FAM200C: variants seen among roughly 807,000 people sequenced by gnomAD.
the FAM200C span, among the ~76,000 whole-genome samples, chr5:160,396,292 T>C: frequency 3.9e-5 from 6 of 152,192 alleles, no homozygotes; most frequent in African/African-American, 1.4e-4. Flanking sequence ...GTAATACTAT[T>C]TGAACCTTGA....
the FAM200C span, among the ~76,000 whole-genome samples, chr5:160,398,519 C>G: frequency 6.6e-6 from 1 of 152,196 alleles, no homozygotes; most frequent in Non-Finnish European, 1.5e-5. Flanking sequence ...GACTGGGTGA[C>G]GGAGTGAGAC....
At chr5:160,394,467 GAGTA>G in the FAM200C span, 5 of 1,613,896 alleles carry the variant, frequency 3.1e-6, no homozygotes, top group African/African-American at 1.3e-5. Context: ...TCAAAAATGT[GAGTA>G]AGTATTTGGC....
the FAM200C span, among the ~76,000 whole-genome samples, chr5:160,397,110 C>T: frequency 6.6e-6 from 1 of 152,194 alleles, no homozygotes; most frequent in Admixed American, 6.5e-5. Flanking sequence ...CACGTCCCTG[C>T]ACTACCTTAG....
the FAM200C span, chr5:160,397,300 T>C: frequency 6.6e-6 from 1 of 152,230 alleles, no homozygotes; most frequent in Non-Finnish European, 1.5e-5. Context: ...AATGCTTTAA[T>C]AGATATTTAA....
chr5:160,397,119 AG>A, the FAM200C span, among the ~76,000 whole-genome samples: 1 of 152,230 alleles, frequency 6.6e-6, no homozygotes, highest in Non-Finnish European at 1.5e-5. Flanking sequence ...GCACTACCTT[AG>A]AACTAATACA....
chr5:160,398,725 G>C, the FAM200C span, among the ~76,000 whole-genome samples: 3 of 152,074 alleles, frequency 2.0e-5, no homozygotes, highest in African/African-American at 7.2e-5. Context: ...AATTTTCAAG[G>C]GCCTCAAAGA....
At chr5:160,396,565 A>G in the FAM200C span, among the ~76,000 whole-genome samples, 1 of 152,076 alleles carries the variant, frequency 6.6e-6, no homozygotes, top group Admixed American at 6.6e-5. Flanking sequence ...AGCCTGGGCA[A>G]TATGGTGAAA....
chr5:160,396,697 G>GAAAAAAAAAAAAAAAAA, the FAM200C span, among the ~76,000 whole-genome samples: 2 of 49,266 alleles, frequency 4.1e-5, no homozygotes, highest in Admixed American at 2.2e-4. Flanking sequence ...AAGTCTCTGT[G>GAAAAAAAAAAAAAAAAA]GAAAAAAAAA....
At chr5:160,399,604 G>A in the FAM200C span, 1 of 152,308 alleles carries the variant, frequency 6.6e-6, no homozygotes, top group African/African-American at 2.4e-5. Context: ...ACCTTTCCAA[G>A]CCTCAGTTCC....
the FAM200C span, chr5:160,400,030 G>A: frequency 1.3e-5 from 2 of 152,310 alleles, no homozygotes; most frequent in African/African-American, 4.8e-5. Context: ...GCCTCAGCCA[G>A]GCCCGGGTTC....
the FAM200C span, chr5:160,394,221 A>G: frequency 6.2e-7 from 1 of 1,611,990 alleles, no homozygotes; most frequent in African/African-American, 1.3e-5. Flanking sequence ...AAATTGGTAA[A>G]ATTTCTTTTC....
At chr5:160,394,849 C>A in the FAM200C span, 2 of 1,613,398 alleles carry the variant, frequency 1.2e-6, no homozygotes, top group Non-Finnish European at 1.7e-6. Flanking sequence ...CTATTCCTTT[C>A]ATGGATAGCT....
chr5:160,394,296 C>A, the FAM200C span: 7 of 1,613,514 alleles, frequency 4.3e-6, no homozygotes, highest in South Asian at 5.5e-5. Flanking sequence ...CTAGCTGATA[C>A]TGTGTTCATC....
chr5:160,399,817 C>T, the FAM200C span: 1 of 152,198 alleles, frequency 6.6e-6, no homozygotes, highest in Non-Finnish European at 1.5e-5. Flanking sequence ...TCTCCGCCCG[C>T]CCGTCTCCAA....
At chr5:160,398,052 G>A in the FAM200C span, among the ~76,000 whole-genome samples, 1 of 152,190 alleles carries the variant, frequency 6.6e-6, no homozygotes, top group African/African-American at 2.4e-5. Flanking sequence ...GACCAGCCAG[G>A]CCAACATAGT....
At chr5:160,394,100 A>G in the FAM200C span, 46 of 1,613,468 alleles carry the variant, frequency 2.9e-5, no homozygotes, top group Admixed American at 1.0e-4. Flanking sequence ...AAGATCTCCA[A>G]TGGAAAAATA....
chr5:160,395,812 GCTTAA>G, the FAM200C span, among the ~76,000 whole-genome samples: 7 of 152,098 alleles, frequency 4.6e-5, no homozygotes, highest in Admixed American at 1.3e-4. Context: ...TATAGTTATG[GCTTAA>G]CTTGTTTTCA....
the FAM200C span, chr5:160,394,538 A>G: frequency 6.2e-7 from 1 of 1,614,176 alleles, no homozygotes; most frequent in Non-Finnish European, 8.5e-7. Context: ...TTCTATGCCA[A>G]TTTCTTCAAA....
the FAM200C span, chr5:160,395,489 A>G: frequency 3.7e-6 from 6 of 1,613,062 alleles, no homozygotes; most frequent in South Asian, 1.1e-5. Flanking sequence ...TTTCTTCGAC[A>G]TGGCACACAA....
Sources: gnomAD v4.1 joint callset for allele counts (sites outside exome capture counted in the v4.1 genomes callset) on GRCh38, gnomAD v4.1.1 for gene constraint, MANE v1.5 for transcripts.